Variants in GPC5 observed in about 807,000 individuals in gnomAD.
GPC5 encodes the protein glypican 5, also known as glypican-5.
In GPC5, 47 loss-of-function variants were observed where a neutral mutation model predicts 53.9. The observed-to-expected ratio is 0.87, with a 90% confidence interval of 0.69 to 1.11. The LOEUF is 1.11. GPC5 is among the 50% of genes most tolerant of loss of function. The pLI, the probability that GPC5 is intolerant of heterozygous loss-of-function variation, is 0.00. For missense variants in GPC5, 748 were observed against 713.1 expected (o/e 1.05, Z -0.56); for synonymous variants, 286 against 263.3 (o/e 1.09, Z -0.84).
intron 2 of GPC5, among the ~76,000 whole-genome samples, chr13:91,633,606 A>G (rs7321583): frequency 6.6e-6 from 1 of 152,156 alleles, no homozygotes; most frequent in Non-Finnish European, 1.5e-5. Flanking sequence ...GAAAAAATCC[A>G]GTTTAACCTA....
chr13:91,587,181 T>C (rs1360744305), intron 2 of GPC5, among the ~76,000 whole-genome samples: 2 of 152,172 alleles, frequency 1.3e-5, no homozygotes, highest in Non-Finnish European at 2.9e-5. Context: ...AACGAAGTTT[T>C]GGAAATTTAT....
At chr13:92,118,384 G>A (rs1227003833) in intron 6 of GPC5, among the ~76,000 whole-genome samples, 3 of 151,930 alleles carry the variant, frequency 2.0e-5, no homozygotes, top group African/African-American at 7.3e-5. Flanking sequence ...AGGGATATCG[G>A]TTTATACTTT....
At chr13:91,551,906 A>G (rs2030662794) in intron 2 of GPC5, among the ~76,000 whole-genome samples, 1 of 152,048 alleles carries the variant, frequency 6.6e-6, no homozygotes, top group Non-Finnish European at 1.5e-5. Flanking sequence ...AAATAGTTTA[A>G]ATTTTAATAC....
At chr13:91,594,117 G>A (rs1482550628) in intron 2 of GPC5, among the ~76,000 whole-genome samples, 2 of 152,066 alleles carry the variant, frequency 1.3e-5, no homozygotes, top group Non-Finnish European at 2.9e-5. Context: ...ATTTTCTCTT[G>A]AAGTTAATGC....
At chr13:92,216,308 T>C (rs1394910797) in intron 7 of GPC5, among the ~76,000 whole-genome samples, 1 of 152,140 alleles carries the variant, frequency 6.6e-6, no homozygotes, top group Admixed American at 6.5e-5. Context: ...AGAAAGCCCA[T>C]TGACACAATG....
intron 4 of GPC5, among the ~76,000 whole-genome samples, chr13:91,737,874 A>G (rs1206224215): frequency 6.6e-6 from 1 of 151,462 alleles, no homozygotes; most frequent in Non-Finnish European, 1.5e-5. Flanking sequence ...TAGCTGGAGT[A>G]CAGATTAAAT....
intron 2 of GPC5, among the ~76,000 whole-genome samples, chr13:91,603,109 A>C (rs897124183): frequency 6.6e-6 from 1 of 152,222 alleles, no homozygotes; most frequent in Non-Finnish European, 1.5e-5. Flanking sequence ...TTACAATGTG[A>C]ATATATGTCA....
chr13:91,781,961 A>C (rs2037805104), intron 5 of GPC5, among the ~76,000 whole-genome samples: 1 of 144,514 alleles, frequency 6.9e-6, no homozygotes, highest in African/African-American at 2.7e-5. Context: ...CGAGACCATC[A>C]CTACTTTAGG....
intron 7 of GPC5, among the ~76,000 whole-genome samples, chr13:92,384,389 C>T (rs1189546237): frequency 1.3e-5 from 2 of 151,966 alleles, no homozygotes; most frequent in African/African-American, 4.8e-5. Flanking sequence ...TTTGTTTTTT[C>T]CTGCTATGTT....
intron 7 of GPC5, among the ~76,000 whole-genome samples, chr13:92,841,610 A>G (rs2138834021): frequency 6.6e-6 from 1 of 152,252 alleles, no homozygotes; most frequent in South Asian, 2.1e-4. Context: ...ACATAATTAT[A>G]CTAAGATATT....
chr13:92,429,052 T>A (rs922870732), intron 7 of GPC5, among the ~76,000 whole-genome samples: 2 of 151,950 alleles, frequency 1.3e-5, no homozygotes, highest in Non-Finnish European at 2.9e-5. Flanking sequence ...AACAAATAAA[T>A]CTTACATAAA....
intron 7 of GPC5, among the ~76,000 whole-genome samples, chr13:92,516,235 G>T (rs143821468): frequency 1.3e-5 from 2 of 151,630 alleles, no homozygotes; most frequent in African/African-American, 4.8e-5. Flanking sequence ...AACATACTGA[G>T]GTCTACACAA....
intron 6 of GPC5, among the ~76,000 whole-genome samples, chr13:92,114,198 T>A (rs188359330): frequency 6.6e-6 from 1 of 152,262 alleles, no homozygotes; most frequent in Non-Finnish European, 1.5e-5. Context: ...TTGTCCTTCT[T>A]TGACATGTGC....
At chr13:92,598,499 A>ATTT (rs1444890343) in intron 7 of GPC5, among the ~76,000 whole-genome samples, 1 of 151,966 alleles carries the variant, frequency 6.6e-6, no homozygotes, top group Non-Finnish European at 1.5e-5. Flanking sequence ...GATTATGAAG[A>ATTT]TTTTTGTTGC....
chr13:92,045,074 T>A (rs2040971168), intron 6 of GPC5, among the ~76,000 whole-genome samples: 2 of 152,170 alleles, frequency 1.3e-5, no homozygotes. Context: ...AAAATATAGC[T>A]TGGATTTCAA....
chr13:92,400,305 T>C (rs988354979), intron 7 of GPC5, among the ~76,000 whole-genome samples: 3 of 152,194 alleles, frequency 2.0e-5, no homozygotes, highest in African/African-American at 7.2e-5. Context: ...GCTCCCTTTT[T>C]GTTAGAATAA....
chr13:91,608,909 T>C (rs1364687393), intron 2 of GPC5, among the ~76,000 whole-genome samples: 1 of 150,132 alleles, frequency 6.7e-6, no homozygotes, highest in African/African-American at 2.5e-5. Flanking sequence ...GGTAAATTTG[T>C]TTATTTAGAA....
At chr13:92,833,416 T>C (rs565209515) in intron 7 of GPC5, among the ~76,000 whole-genome samples, 3 of 152,328 alleles carry the variant, frequency 2.0e-5, no homozygotes, top group Admixed American at 6.5e-5. Context: ...CCTAGTTCTC[T>C]GACAATCTGT....
chr13:91,456,148 C>T (rs1279515083), intron 2 of GPC5, among the ~76,000 whole-genome samples: 1 of 152,030 alleles, frequency 6.6e-6, no homozygotes, highest in Non-Finnish European at 1.5e-5. Flanking sequence ...ATATTAAATA[C>T]CCACCGCAGG....
Sources: gnomAD v4.1 joint callset for allele counts (sites outside exome capture counted in the v4.1 genomes callset) on GRCh38, gnomAD v4.1.1 for gene constraint, MANE v1.5 for transcripts, NCBI Gene and HGNC (gene_info 2026-07-23, HGNC 2026-07-21) for gene names.